CHRM3: variants seen among roughly 807,000 people sequenced by gnomAD.
CHRM3 encodes cholinergic receptor muscarinic 3.
Under a neutral mutation model 41.8 loss-of-function variants are expected in CHRM3, and 11 were observed. The ratio of observed to expected loss-of-function variants is 0.26; its 90% CI spans 0.17 to 0.44. The LOEUF (loss-of-function observed/expected upper bound fraction) is 0.44, where lower values mean the gene tolerates loss of function less well. Ranked by LOEUF, CHRM3 falls within the 20% of genes least tolerant of loss-of-function variation. CHRM3 has a pLI of 1.00. For synonymous variants in CHRM3, 297 were observed against 301.4 expected (o/e 0.99, Z 0.15); for missense variants, 571 against 745.4 (o/e 0.77, Z 2.72).
intron 6 of CHRM3, among the ~76,000 whole-genome samples, chr1:239,887,278 T>C (rs535727418): frequency 6.6e-6 from 1 of 152,182 alleles, no homozygotes; most frequent in South Asian, 2.1e-4. Flanking sequence ...CTCAGCTCAC[T>C]GCAACCTCCA....
intron 6 of CHRM3, among the ~76,000 whole-genome samples, chr1:239,902,902 G>A (rs1182666810): frequency 6.6e-6 from 1 of 152,100 alleles, no homozygotes; most frequent in East Asian, 1.9e-4. Flanking sequence ...CACATCTATT[G>A]CATGACAGAA....
rs542917669 is a variant in CHRM3 at position 239,812,903 on chromosome 1, C to T, written c.-146-14349C>T. On this transcript the variant is annotated intron_variant, in intron 5 of 6. Coordinates refer to ENST00000676153, the MANE Select transcript of CHRM3 (RefSeq NM_001375978.1). ...GTCTGCCCTCCAATGCCTCTCCCTC[C>T]AAAATGTGCACCCTTTTCATCACTG... Among the ~76,000 whole-genome samples, 13 of 152,336 alleles carry T rather than the reference C, an allele frequency of 8.5e-5. 1 individual carries two copies. The South Asian group carries it at 2.7e-3, about 32-fold the overall frequency.
At chr1:239,558,894 C>T (rs1660618265) in intron 3 of CHRM3, among the ~76,000 whole-genome samples, 1 of 152,174 alleles carries the variant, frequency 6.6e-6, no homozygotes, top group African/African-American at 2.4e-5. Context: ...GGTCTCTGAG[C>T]TCCTCTTGCA....
rs570862570 is a variant in CHRM3, at chr1:239,389,839, C to T, written c.-521+2612C>T. Among the ~76,000 whole-genome samples, 10 of 152,272 alleles carry T rather than the reference C, an allele frequency of 6.6e-5. No individual in the cohort carries two copies. The South Asian group carries it at 1.7e-3, about 25-fold the overall frequency. On this transcript the variant is annotated intron_variant, in intron 1 of 6. Coordinates refer to ENST00000676153, the MANE Select transcript of CHRM3 (RefSeq NM_001375978.1). ...TACTGCTAAATGGCCTGGACGATTC[C>T]AGTGTGACTATTAAGAAATTGGGTC...
chr1:239,872,329 T>A (rs1243088821), intron 6 of CHRM3, among the ~76,000 whole-genome samples: 1 of 152,358 alleles, frequency 6.6e-6, no homozygotes, highest in East Asian at 1.9e-4. Flanking sequence ...TGAACTTTAA[T>A]ATCCCAGAGC....
At chr1:239,437,488 G>T (rs1663362784) in intron 1 of CHRM3, among the ~76,000 whole-genome samples, 1 of 152,158 alleles carries the variant, frequency 6.6e-6, no homozygotes, top group African/African-American at 2.4e-5. Context: ...CCCCTGGTGT[G>T]ATGAGTGAAC....
At chr1:239,391,447 G>T (rs954174784) in intron 1 of CHRM3, among the ~76,000 whole-genome samples, 3 of 152,206 alleles carry the variant, frequency 2.0e-5, no homozygotes, top group African/African-American at 7.2e-5. Flanking sequence ...TGGCCTCTGT[G>T]TGTTGTTTTC....
chr1:239,909,202 G>A lies in CHRM3; in HGVS notation c.1751G>A (p.Arg584His), dbSNP rs532452227. 1.6e-5 allele frequency: 25 copies of A among 1,610,148 alleles called. No homozygotes were observed. The highest frequency in any genetic ancestry group is 1.7e-4 in the Middle Eastern group (1 of 5,998). Residue 584 changes from arginine (R) to histidine (H), a missense_variant, in exon 7 of 7, where the codon CGC (arginine) becomes CAC (histidine). This residue lies in a region of CHRM3 where 44 missense variants were observed against 39.7 expected (regional missense o/e 1.11). Coordinates refer to ENST00000676153, the MANE Select transcript of CHRM3 (RefSeq NM_001375978.1). Reference protein sequence around the residue: ...QQRQSVIFHKRAPEQAL With the variant: ...QQRQSVIFHKHAPEQAL Reference sequence around the variant, plus strand: ...AGACAGTCGGTCATTTTTCACAAGCGCGCACCCGAGCAGGCCTTGTAGAAT... The same window carrying A: ...AGACAGTCGGTCATTTTTCACAAGCACGCACCCGAGCAGGCCTTGTAGAAT...
At chr1:239,550,641 A>T (rs1659723782) in intron 3 of CHRM3, among the ~76,000 whole-genome samples, 1 of 152,216 alleles carries the variant, frequency 6.6e-6, no homozygotes, top group Admixed American at 6.5e-5. Context: ...GAAAAGTGGC[A>T]AATTTTAACT....
intron 4 of CHRM3, among the ~76,000 whole-genome samples, chr1:239,652,827 A>G (rs1027059958): frequency 6.6e-6 from 1 of 152,146 alleles, no homozygotes; most frequent in Non-Finnish European, 1.5e-5. Context: ...TAAAGTCGTG[A>G]AAACCAAACA....
At chr1:239,563,257 A>C (rs2148499841) in intron 3 of CHRM3, among the ~76,000 whole-genome samples, 1 of 152,174 alleles carries the variant, frequency 6.6e-6, no homozygotes, top group South Asian at 2.1e-4. Context: ...TTATATAATC[A>C]AAATTTGTTT....
At chr1:239,601,336 A>G (rs1665512756) in intron 3 of CHRM3, among the ~76,000 whole-genome samples, 1 of 152,238 alleles carries the variant, frequency 6.6e-6, no homozygotes, top group African/African-American at 2.4e-5. Flanking sequence ...AAACAAGCAA[A>G]TAATTTTTTT....
chr1:239,747,983 G>A (rs1288565205), intron 5 of CHRM3, among the ~76,000 whole-genome samples: 1 of 152,172 alleles, frequency 6.6e-6, no homozygotes, highest in East Asian at 1.9e-4. Flanking sequence ...GTTGCAGTGA[G>A]CCGAAATCGT....
At chr1:239,721,025 A>G (rs1018850883) in intron 5 of CHRM3, among the ~76,000 whole-genome samples, 5 of 151,930 alleles carry the variant, frequency 3.3e-5, no homozygotes, top group Non-Finnish European at 7.4e-5. Flanking sequence ...TGAGAATTGT[A>G]TATTGTGACA....
chr1:239,425,084 A>T (rs774019976), intron 1 of CHRM3, among the ~76,000 whole-genome samples: 7 of 152,204 alleles, frequency 4.6e-5, no homozygotes, highest in Non-Finnish European at 1.0e-4. Flanking sequence ...AGTGACAGAA[A>T]CAGAGAAGAT....
At chr1:239,600,043 T>C (rs1179065488) in intron 3 of CHRM3, among the ~76,000 whole-genome samples, 4 of 152,138 alleles carry the variant, frequency 2.6e-5, no homozygotes, top group Non-Finnish European at 5.9e-5. Context: ...TTCCTTCTTC[T>C]GATTAAAAGC....
intron 3 of CHRM3, among the ~76,000 whole-genome samples, chr1:239,548,852 A>T (rs184582174): frequency 5.9e-5 from 9 of 152,240 alleles, no homozygotes; most frequent in Non-Finnish European, 1.2e-4. Flanking sequence ...TAATAAAAGG[A>T]AAAAAGCAAG....
In CHRM3 at chr1:239,748,171, A is replaced by G. The variant is rs1408195922; in HGVS notation, c.-147+69883A>G. 6.6e-6 allele frequency among the ~76,000 whole-genome samples: 1 copy of G among 152,222 alleles called. No homozygotes were observed. The highest frequency in any genetic ancestry group is 1.9e-4 in the East Asian group (1 of 5,202). Reference sequence around the variant, plus strand: ...ATTGCCAACGTTTGCATTATTTTAAACCACCACTTAAGAAGAAAGTGTATA... The same window carrying G: ...ATTGCCAACGTTTGCATTATTTTAAGCCACCACTTAAGAAGAAAGTGTATA... On this transcript the variant is annotated intron_variant, in intron 5 of 6. Transcript: ENST00000676153. The surrounding 1 kb of genome is among the most constrained non-coding windows in gnomAD (Gnocchi z 4.3).
chr1:239,897,583 A>C (rs1193220928), intron 6 of CHRM3, among the ~76,000 whole-genome samples: 1 of 151,984 alleles, frequency 6.6e-6, no homozygotes, highest in Non-Finnish European at 1.5e-5. Context: ...AATGTTGAAC[A>C]GTAATCAGCA....
Sources: allele counts gnomAD v4.1 joint callset (sites outside exome capture counted in the v4.1 genomes callset), GRCh38; gene constraint gnomAD v4.1.1; regional missense constraint gnomAD v4.1.1; non-coding constraint Gnocchi (gnomAD v3.1); transcripts MANE v1.5; gene names NCBI Gene and HGNC (gene_info 2026-07-23, HGNC 2026-07-21).